Variants in CHRDL1 observed in about 807,000 individuals in gnomAD.
CHRDL1 encodes chordin-like protein 1.
A neutral mutation model predicts 40.9 loss-of-function variants in CHRDL1; 19 were observed. That is an observed-to-expected ratio of 0.46 (90% CI 0.32 to 0.68). CHRDL1 has a LOEUF of 0.68. CHRDL1 is among the 30% of genes least tolerant of loss of function. The pLI is 0.03. For synonymous variants in CHRDL1, 136 were observed against 123.4 expected, an observed-to-expected ratio of 1.10 and a Z score of -0.68; for missense variants, 329 against 352.1, an observed-to-expected ratio of 0.93 and a Z score of 0.53.
rs2148403547 is a variant in CHRDL1, at chrX:110,676,133, G to A, written c.*98C>T. ...TGAATAATTGACTGCATTTGAGTTT[G>A]GAGTTTTAGGGCACTGTTGACTTAA... is the stretch of plus-strand genomic sequence containing the variant. On this transcript the variant is annotated 3_prime_UTR_variant, in exon 12 of 12. Coordinates refer to ENST00000372042, the MANE Select transcript of CHRDL1 (RefSeq NM_001143981.2). 1 of 873,541 alleles carries A rather than the reference G, an allele frequency of 1.1e-6. No individual in the cohort carries two copies. Among genetic ancestry groups the A allele is most frequent in the African/African-American group, 2.0e-5 (1 of 49,599 alleles). The allele number at this position is 873,541 out of a possible 1,213,427, so 72.0% of individuals were successfully genotyped here.
intron 4 of CHRDL1, 21 bp downstream of exon 4, chrX:110,759,640 G>A (rs1302191143): frequency 1.8e-6 from 2 of 1,082,573 alleles, no homozygotes; most frequent in African/African-American, 3.6e-5. Flanking sequence ...AGCTAGGAAA[G>A]AAAGAGACAA....
rs1257359799 is a variant in CHRDL1 at position 110,721,416 on chromosome X, T to G, written c.416A>C (p.Gln139Pro). 2.5e-6 allele frequency: 3 copies of G among 1,211,045 alleles called. No individual in the cohort carries two copies. The Admixed American group carries it at 6.5e-5, about 26-fold the overall frequency. Residue 139 changes from glutamine to proline, a missense_variant, in exon 5 of 12, where the codon CAA becomes CCA. Coordinates refer to ENST00000372042, the MANE Select transcript of CHRDL1 (RefSeq NM_001143981.2). ...FVAEGLFQNR[Q>P]PNQCTQCSCS... Reference sequence around the variant, plus strand: ...GCTGCACTGGGTGCATTGATTGGGTTGCCGATTCTGAAAGAGCCCTTCAGC... The same window carrying G: ...GCTGCACTGGGTGCATTGATTGGGTGGCCGATTCTGAAAGAGCCCTTCAGC...
At chrX:110,759,852 AGT>A (rs1368546986) in intron 3 of CHRDL1, 98 bp from the exon 4 acceptor site, 3 of 570,735 alleles carry the variant, frequency 5.3e-6, no homozygotes, top group Non-Finnish European at 9.3e-6. Context: ...TCACCCAGGC[AGT>A]GAATAATGCA....
intron 6 of CHRDL1, among the ~76,000 whole-genome samples, chrX:110,719,454 A>G (rs756745458): frequency 1.2e-3 from 129 of 111,480 alleles, no homozygotes; most frequent in Non-Finnish European, 1.9e-3. Context: ...GGCCACATCA[A>G]TTCCTTGCAA....
At chrX:110,683,740 T>C (rs1045014703) in intron 9 of CHRDL1, among the ~76,000 whole-genome samples, 3 of 111,561 alleles carry the variant, frequency 2.7e-5, no homozygotes, top group Non-Finnish European at 5.6e-5. Flanking sequence ...GTGAGGACCA[T>C]CTGAACCCCA....
intron 11 of CHRDL1, among the ~76,000 whole-genome samples, chrX:110,678,351 C>A (rs993810128): frequency 8.9e-6 from 1 of 111,969 alleles, no homozygotes; most frequent in South Asian, 3.8e-4. Flanking sequence ...TACATTTGAA[C>A]ATTTTACTGG....
intron 4 of CHRDL1, among the ~76,000 whole-genome samples, chrX:110,747,409 AAC>A (rs113917102): frequency 3.3e-4 from 30 of 91,216 alleles, no homozygotes; most frequent in Admixed American, 9.8e-4. Context: ...ATCAAAACAA[AAC>A]ACACACACAC....
At chrX:110,682,716 G>A (rs1304422483) in intron 9 of CHRDL1, among the ~76,000 whole-genome samples, 1 of 112,266 alleles carries the variant, frequency 8.9e-6, no homozygotes, top group Non-Finnish European at 1.9e-5. Flanking sequence ...GCTATTGTAT[G>A]TCTCTTGGTA....
chrX:110,780,945 AAG>A (rs2089931456), intron 2 of CHRDL1, among the ~76,000 whole-genome samples: 1 of 111,683 alleles, frequency 9.0e-6, no homozygotes, highest in Non-Finnish European at 1.9e-5. Flanking sequence ...TATTAATTGA[AAG>A]AAAACAGAAC....
At chrX:110,685,951 T>C (rs1014904910) in intron 9 of CHRDL1, among the ~76,000 whole-genome samples, 5 of 105,642 alleles carry the variant, frequency 4.7e-5, no homozygotes, top group Admixed American at 1.0e-4. Flanking sequence ...AGTACTGGTG[T>C]GATCGTGGCT....
Position 110,705,327 on chromosome X carries a change from A to G in CHRDL1, c.542-4606T>C, listed in dbSNP as rs369577862. Among the ~76,000 whole-genome samples, 110 of 81,951 alleles carry G rather than the reference A, an allele frequency of 1.3e-3. 1 individual carries two copies. Among genetic ancestry groups the G allele is most frequent in the Non-Finnish European group, 2.1e-3 (97 of 46,914 alleles). 71.2% of individuals were successfully genotyped at this position (81,951 alleles called of 115,157 possible). A position where few individuals can be genotyped will look rare whatever the true frequency, so the allele number is the denominator to read the frequency against. On this transcript the variant is annotated intron_variant, in intron 6 of 11. Coordinates refer to ENST00000372042, the MANE Select transcript of CHRDL1 (RefSeq NM_001143981.2). ...TATACACACACACATATATATATACACACATATATATACACATATATATAT... is the reference window on the plus strand; with the variant it reads ...TATACACACACACATATATATATACGCACATATATATACACATATATATAT...
intron 4 of CHRDL1, among the ~76,000 whole-genome samples, chrX:110,741,610 T>A (rs1281517783): frequency 2.7e-5 from 3 of 110,061 alleles, no homozygotes. Flanking sequence ...GGGGTGGGGG[T>A]GTATATGGTG....
intron 4 of CHRDL1, among the ~76,000 whole-genome samples, chrX:110,736,927 T>C (rs2071274123): frequency 8.9e-6 from 1 of 111,810 alleles, no homozygotes; most frequent in African/African-American, 3.3e-5. Context: ...TCTACAATTA[T>C]AGATGAGGAA....
At chrX:110,771,321 C>G (rs2089756059) in intron 2 of CHRDL1, among the ~76,000 whole-genome samples, 1 of 111,261 alleles carries the variant, frequency 9.0e-6, no homozygotes, top group African/African-American at 3.3e-5. Context: ...GAATACTTCC[C>G]AACTGAATAT....
intron 4 of CHRDL1, among the ~76,000 whole-genome samples, chrX:110,759,318 C>T (rs983200335): frequency 3.6e-5 from 4 of 111,940 alleles, no homozygotes; most frequent in Admixed American, 2.8e-4. Context: ...AGACACATGC[C>T]GCCATGCTGC....
intron 2 of CHRDL1, among the ~76,000 whole-genome samples, chrX:110,789,139 C>G (rs1033314292): frequency 1.8e-5 from 2 of 111,671 alleles, no homozygotes; most frequent in African/African-American, 6.5e-5. Flanking sequence ...ATAAATATCA[C>G]AAGCAACCAA....
At chrX:110,693,632 G>A (rs1457967234) in intron 8 of CHRDL1, among the ~76,000 whole-genome samples, 1 of 111,558 alleles carries the variant, frequency 9.0e-6, no homozygotes, top group Non-Finnish European at 1.9e-5. Context: ...TGTGAGGCAT[G>A]AGCCACTGCA....
At chrX:110,782,115 G>T (rs2089955068) in intron 2 of CHRDL1, among the ~76,000 whole-genome samples, 1 of 112,100 alleles carries the variant, frequency 8.9e-6, no homozygotes, top group Non-Finnish European at 1.9e-5. Context: ...GGAACCAACT[G>T]CAAGAAAAAT....
Position 110,679,320 on chromosome X carries a change from GAGA to G in CHRDL1, c.1246+13_1246+15del, listed in dbSNP as rs750982521. 8.9e-7 allele frequency: 1 copy of G among 1,129,633 alleles called. No homozygotes were observed. Among genetic ancestry groups the G allele is most frequent in the Admixed American group, 2.2e-5 (1 of 45,896 alleles). The allele number at this position is 1,129,633 out of a possible 1,213,427, so 93.1% of individuals were successfully genotyped here. A position where few individuals can be genotyped will look rare whatever the true frequency, so the allele number is the denominator to read the frequency against. On this transcript the variant is annotated intron_variant, in intron 11 of 11. Transcript: ENST00000372042. ...AATGTGTTTTTCAGGGAGCAGTCAA[GAGA>G]AGTACTACTTACTCAGGGTTGTTCT... is the stretch of plus-strand genomic sequence containing the variant.
Sources: gnomAD v4.1 joint callset for allele counts (sites outside exome capture counted in the v4.1 genomes callset) on GRCh38, gnomAD v4.1.1 for gene constraint, MANE v1.5 for transcripts, NCBI Gene and HGNC (gene_info 2026-07-23, HGNC 2026-07-21) for gene names.